Variants in BRAF observed in about 807,000 individuals in gnomAD.
BRAF encodes the protein B-Raf proto-oncogene, serine/threonine kinase.
A neutral mutation model predicts 104.6 loss-of-function variants in BRAF; 16 were observed. The ratio of observed to expected loss-of-function variants is 0.15; its 90% CI spans 0.10 to 0.23. The LOEUF is 0.23. Among genes scored for constraint, BRAF ranks in the 10% least tolerant of loss-of-function variants. The pLI, the probability that BRAF is intolerant of heterozygous loss-of-function variation, is 1.00. For missense variants in BRAF, 541 were observed against 937.3 expected (o/e 0.58, Z 5.52); for synonymous variants, 310 against 341.6 (o/e 0.91, Z 1.02).
At chr7:140,751,670 C>G (rs1344481348) in intron 16 of BRAF, among the ~76,000 whole-genome samples, 1 of 152,148 alleles carries the variant, frequency 6.6e-6, no homozygotes, top group East Asian at 1.9e-4. Context: ...TACAGATCTT[C>G]TAAGTCCAAT....
At chr7:140,760,419 GAGA>G (rs1315935233) in intron 14 of BRAF, among the ~76,000 whole-genome samples, 37 of 113,062 alleles carry the variant, frequency 3.3e-4, no homozygotes, top group African/African-American at 1.4e-3. Context: ...CCTTGAGAGA[GAGA>G]AAAAAAAAAA....
intron 3 of BRAF, among the ~76,000 whole-genome samples, chr7:140,820,967 C>T (rs1031052474): frequency 2.0e-5 from 3 of 152,154 alleles, no homozygotes; most frequent in Non-Finnish European, 4.4e-5. Flanking sequence ...AACATATATG[C>T]TTATTCTTTT....
At chr7:140,882,371 C>CT (rs1232247923) in intron 1 of BRAF, among the ~76,000 whole-genome samples, 5,423 of 126,616 alleles carry the variant, frequency 0.043, 405 homozygotes, top group African/African-American at 0.13. Context: ...ATCAAAGTAT[C>CT]TTTTTTTTTT....
At chr7:140,713,657 G>A in the BRAF span, among the ~76,000 whole-genome samples, 1 of 152,198 alleles carries the variant, frequency 6.6e-6, no homozygotes, top group African/African-American at 2.4e-5. Flanking sequence ...GTGAGGAACT[G>A]CATTCCTTTG....
At chr7:140,923,773 C>A (rs1421649343) in intron 1 of BRAF, among the ~76,000 whole-genome samples, 5 of 152,096 alleles carry the variant, frequency 3.3e-5, no homozygotes, top group Non-Finnish European at 7.3e-5. Flanking sequence ...AGTACAGAGC[C>A]TCAAGAGGAC....
At position 140,873,097 on chromosome 7, in the gene BRAF, A is replaced by G. The variant is rs144257995; in HGVS notation, c.139-22885T>C. Among the ~76,000 whole-genome samples, 213 of 152,202 alleles carry G rather than the reference A, an allele frequency of 1.4e-3. 6 individuals are homozygous for G. In the East Asian group the frequency reaches 0.037, roughly 26 times the overall value. ...ACTATAAAGCTGGACAAAACCGTCA[A>G]AACAACCATTTCAGTGCTCTGGACT... On this transcript the variant is annotated intron_variant, in intron 1 of 19. Coordinates refer to ENST00000644969, the MANE Select transcript of BRAF (RefSeq NM_001374258.1).
At chr7:140,788,938 C>T (rs1193765972) in intron 8 of BRAF, among the ~76,000 whole-genome samples, 2 of 151,118 alleles carry the variant, frequency 1.3e-5, no homozygotes, top group African/African-American at 4.9e-5. Flanking sequence ...GCGCCGGGTG[C>T]GGTGGCTCAA....
At chr7:140,775,726 G>A (rs1800279651) in intron 14 of BRAF, among the ~76,000 whole-genome samples, 1 of 152,142 alleles carries the variant, frequency 6.6e-6, no homozygotes, top group African/African-American at 2.4e-5. Context: ...TCAAGTCTAG[G>A]GGTAAGTGGG....
chr7:140,826,666 C>G (rs1332845582), intron 3 of BRAF, among the ~76,000 whole-genome samples: 1 of 151,980 alleles, frequency 6.6e-6, no homozygotes, highest in African/African-American at 2.4e-5. Flanking sequence ...AGATTTGTAC[C>G]CTCTACTGTG....
intron 2 of BRAF, among the ~76,000 whole-genome samples, chr7:140,838,351 A>G (rs1209493906): frequency 6.6e-6 from 1 of 152,222 alleles, no homozygotes; most frequent in African/African-American, 2.4e-5. Context: ...ATTATTGTAG[A>G]GACTACCACA....
chr7:140,891,757 GA>G (rs560518210), intron 1 of BRAF, among the ~76,000 whole-genome samples: 63 of 148,456 alleles, frequency 4.2e-4, no homozygotes, highest in Admixed American at 4.0e-3. Context: ...AGAAACCATT[GA>G]AAAAAAAAAT....
chr7:140,919,454 GAAT>G (rs1373737160), intron 1 of BRAF, among the ~76,000 whole-genome samples: 1 of 151,576 alleles, frequency 6.6e-6, no homozygotes, highest in Non-Finnish European at 1.5e-5. Flanking sequence ...GAAGGAATTA[GAAT>G]AATAGTTTTT....
intron 5 of BRAF, among the ~76,000 whole-genome samples, chr7:140,802,109 G>A (rs934669417): frequency 6.6e-6 from 1 of 151,968 alleles, no homozygotes; most frequent in Non-Finnish European, 1.5e-5. Context: ...AGTTAATAAA[G>A]CAAGAAATTG....
intron 12 of BRAF, 69 bp from the exon 12 acceptor site, chr7:140,778,144 G>C (rs71645979): frequency 1.4e-6 from 2 of 1,398,216 alleles, no homozygotes; most frequent in East Asian, 2.4e-5. Context: ...ACATTCTTGG[G>C]TGTTTTCACT....
At chr7:140,824,156 C>T (rs896787317) in intron 3 of BRAF, 3 of 152,114 alleles carry the variant, frequency 2.0e-5, no homozygotes, top group Non-Finnish European at 4.4e-5. Context: ...GATAATAGTA[C>T]AATTTTTCCA....
intron 1 of BRAF, among the ~76,000 whole-genome samples, chr7:140,870,796 T>C (rs1479868348): frequency 6.6e-6 from 1 of 152,046 alleles, no homozygotes; most frequent in Non-Finnish European, 1.5e-5. Flanking sequence ...TGGCTCACTT[T>C]TCTTCAAGAA....
chr7:140,923,104 T>A (rs1330000359), intron 1 of BRAF, among the ~76,000 whole-genome samples: 1 of 151,870 alleles, frequency 6.6e-6, no homozygotes, highest in African/African-American at 2.4e-5. Context: ...GTAACAAAGA[T>A]GATATAAAGA....
chr7:140,752,420 G>C (rs1382209678), intron 16 of BRAF, among the ~76,000 whole-genome samples: 1 of 152,102 alleles, frequency 6.6e-6, no homozygotes, highest in Non-Finnish European at 1.5e-5. Context: ...GTGTTGTTTT[G>C]GTTGAAGGAT....
At chr7:140,793,390 T>C (rs1004963286) in intron 8 of BRAF, among the ~76,000 whole-genome samples, 1 of 152,118 alleles carries the variant, frequency 6.6e-6, no homozygotes, top group Non-Finnish European at 1.5e-5. Flanking sequence ...AAACTAGTAC[T>C]AGAAAAAAGT....
Sources: allele counts gnomAD v4.1 joint callset (sites outside exome capture counted in the v4.1 genomes callset), GRCh38; gene constraint gnomAD v4.1.1; transcripts MANE v1.5; gene names NCBI Gene and HGNC (gene_info 2026-07-23, HGNC 2026-07-21).